PUDP: variants seen among roughly 807,000 people sequenced by gnomAD.
The protein encoded by PUDP is pseudouridine-5'-phosphatase.
In PUDP, 8 loss-of-function variants were observed where a neutral mutation model predicts 9.4. That is an observed-to-expected ratio of 0.85 (90% confidence interval 0.50 to 1.53). The LOEUF is 1.53. Ranked by LOEUF, PUDP falls within the 40% of genes most tolerant of loss-of-function variation. The pLI is 0.00. For missense variants in PUDP, 188 were observed against 189.7 expected, an observed-to-expected ratio of 0.99 and a Z score of 0.05; for synonymous variants, 99 against 80.7, an observed-to-expected ratio of 1.23 and a Z score of -1.22.
chrX:6,925,174 G>A (rs1171645856), intron 3 of PUDP, among the ~76,000 whole-genome samples: 1 of 112,280 alleles, frequency 8.9e-6, no homozygotes, highest in Non-Finnish European at 1.9e-5. Flanking sequence ...AATTAGCTGG[G>A]TGTGGTGGTG....
chrX:6,885,706 C>T (rs1006256050), intron 3 of PUDP, among the ~76,000 whole-genome samples: 4 of 112,189 alleles, frequency 3.6e-5, no homozygotes, highest in African/African-American at 1.3e-4. Context: ...AGCTGCTAAA[C>T]CAACAATATT....
chrX:6,908,717 G>T (rs755893575), intron 3 of PUDP, among the ~76,000 whole-genome samples: 2 of 98,626 alleles, frequency 2.0e-5, no homozygotes, highest in African/African-American at 7.8e-5. Flanking sequence ...GGCTTAGCAT[G>T]ACTAAGCCTT....
At chrX:6,933,738 A>C (rs955091380) in intron 3 of PUDP, among the ~76,000 whole-genome samples, 1 of 110,656 alleles carries the variant, frequency 9.0e-6, no homozygotes, top group African/African-American at 3.3e-5. Flanking sequence ...TTTTGAAAAA[A>C]ATTTAGAAGA....
chrX:7,103,256 C>T (rs141205769), intron 2 of PUDP, among the ~76,000 whole-genome samples: 2 of 111,965 alleles, frequency 1.8e-5, no homozygotes, highest in Non-Finnish European at 1.9e-5. Flanking sequence ...TACACTCTCA[C>T]GTATTTGTCA....
chrX:6,852,867 A>G (rs1926848827), intron 3 of PUDP, among the ~76,000 whole-genome samples: 1 of 111,324 alleles, frequency 9.0e-6, no homozygotes, highest in Non-Finnish European at 1.9e-5. Flanking sequence ...GGTTGGAACA[A>G]AAGTTTAATA....
At position 6,843,622 on chromosome X, in the gene PUDP, G is replaced by A. The variant is rs73455736; in HGVS notation, c.*247+133511C>T. Among the ~76,000 whole-genome samples, 572 of 111,716 alleles carry A rather than the reference G, an allele frequency of 5.1e-3. 5 individuals are homozygous for A. Among genetic ancestry groups the A allele is most frequent in the African/African-American group, 0.017 (529 of 30,750 alleles). On this transcript the variant is annotated intron_variant and NMD_transcript_variant, in intron 3 of 3. Coordinates refer to the PUDP transcript ENST00000655425. ...AAAGGTGAATCAACAGCATGTCGAT[G>A]AGCGATGGAAGGTGCAGTCCCAAAA...
At chrX:7,068,897 A>G (rs1930647886) in intron 3 of PUDP, among the ~76,000 whole-genome samples, 1 of 111,725 alleles carries the variant, frequency 9.0e-6, no homozygotes, top group Non-Finnish European at 1.9e-5. Context: ...GAACTTTTAC[A>G]TAAGATTTTC....
chrX:6,752,873 G>C (rs1362055709), intron 3 of PUDP, among the ~76,000 whole-genome samples: 3 of 111,742 alleles, frequency 2.7e-5, no homozygotes, highest in Non-Finnish European at 5.6e-5. Context: ...AGGAATATGT[G>C]ATTATCCCTT....
chrX:7,096,063 G>A (rs981887875), intron 2 of PUDP, among the ~76,000 whole-genome samples: 3 of 112,161 alleles, frequency 2.7e-5, no homozygotes, highest in Non-Finnish European at 3.8e-5. Flanking sequence ...ATGCAACCTT[G>A]TAAGTGCTCC....
At position 6,976,275 on chromosome X, in the gene PUDP, G is replaced by A. The variant is rs112545506; in HGVS notation, c.*247+858C>T. ...AAAAAAATCTCCTGCAGCTAGCTTG[G>A]TGTCTACCCAAACGGCTGCCCAGTT... is the stretch of plus-strand genomic sequence containing the variant. On this transcript the variant is annotated intron_variant and NMD_transcript_variant, in intron 3 of 3. Coordinates refer to the PUDP transcript ENST00000655425. Among the ~76,000 whole-genome samples the A allele has an allele frequency of 9.5e-3, 1,065 of 111,887 alleles. 14 individuals are homozygous for A. Among genetic ancestry groups the A allele is most frequent in the African/African-American group, 0.033 (1,010 of 30,792 alleles).
intron 3 of PUDP, among the ~76,000 whole-genome samples, chrX:6,744,959 C>T (rs952606669): frequency 9.8e-5 from 11 of 111,701 alleles, no homozygotes; most frequent in Non-Finnish European, 1.5e-4. Context: ...GTTAGATTGG[C>T]GAAAAGAATC....
intron 3 of PUDP, among the ~76,000 whole-genome samples, chrX:6,884,129 C>T (rs940061440): frequency 3.6e-5 from 4 of 112,226 alleles, no homozygotes; most frequent in African/African-American, 9.7e-5. Context: ...CGTGAGCCAC[C>T]GTGCCGGGCC....
chrX:6,961,531 C>T (rs892162222), intron 3 of PUDP, among the ~76,000 whole-genome samples: 4 of 111,860 alleles, frequency 3.6e-5, no homozygotes, highest in African/African-American at 9.7e-5. Flanking sequence ...ACAACTGTTT[C>T]ATGAAAAGAT....
chrX:7,042,664 G>GA (rs780614883), intron 1 of PUDP, among the ~76,000 whole-genome samples: 2 of 109,275 alleles, frequency 1.8e-5, no homozygotes, highest in African/African-American at 6.7e-5. Context: ...TTTTTTGGGG[G>GA]GGGTAGACAT....
chrX:6,751,445 T>A (rs767298880), intron 3 of PUDP, among the ~76,000 whole-genome samples: 2 of 111,666 alleles, frequency 1.8e-5, no homozygotes, highest in Non-Finnish European at 3.8e-5. Context: ...GTTCTCACAA[T>A]TGCCTCTTCC....
intron 3 of PUDP, among the ~76,000 whole-genome samples, chrX:6,928,179 A>T (rs73629003): frequency 0.031 from 3,463 of 110,264 alleles, 141 homozygotes; most frequent in African/African-American, 0.11. Context: ...GTGATCCACC[A>T]CCCCGGCCTC....
At chrX:6,778,680 C>T (rs1050933116) in intron 3 of PUDP, among the ~76,000 whole-genome samples, 1 of 112,126 alleles carries the variant, frequency 8.9e-6, no homozygotes, top group Admixed American at 9.5e-5. Flanking sequence ...TTGAGGCTTC[C>T]GAGGAGGCCG....
intron 3 of PUDP, among the ~76,000 whole-genome samples, chrX:6,893,969 G>A (rs1055058961): frequency 8.9e-6 from 1 of 111,742 alleles, no homozygotes; most frequent in African/African-American, 3.3e-5. Flanking sequence ...GAAGTTGGGA[G>A]CCATTATCTT....
chrX:7,114,471 G>T (rs1214026643), intron 1 of PUDP, among the ~76,000 whole-genome samples: 1 of 111,648 alleles, frequency 9.0e-6, no homozygotes, highest in Non-Finnish European at 1.9e-5. Context: ...GAACGAAAGG[G>T]TCCATTCATG....
Sources: allele counts gnomAD v4.1 joint callset (sites outside exome capture counted in the v4.1 genomes callset), GRCh38; gene constraint gnomAD v4.1.1; transcripts MANE v1.5; gene names NCBI Gene and HGNC (gene_info 2026-07-23, HGNC 2026-07-21).